Variants in CPS1 observed in about 807,000 individuals in gnomAD.
CPS1 encodes the protein carbamoyl-phosphate synthase [ammonia], mitochondrial.
CPS1 carries 109 observed loss-of-function variants against 174.6 expected under a neutral mutation model. That is an observed-to-expected ratio of 0.62 (90% CI 0.53 to 0.73). The LOEUF is 0.73. Among genes scored for constraint, CPS1 ranks in the 30% least tolerant of loss-of-function variants. CPS1 has a pLI of 0.00. For missense variants in CPS1, 1,689 were observed against 1,821.9 expected (o/e 0.93, Z 1.33); for synonymous variants, 637 against 632.0 (o/e 1.01, Z -0.12).
At chr2:210,572,001 A>G (rs1289767070) in intron 1 of CPS1, among the ~76,000 whole-genome samples, 1 of 151,734 alleles carries the variant, frequency 6.6e-6, no homozygotes, top group Non-Finnish European at 1.5e-5. Flanking sequence ...AGTAAAATGA[A>G]GAATTAGTAT....
intron 1 of CPS1, among the ~76,000 whole-genome samples, chr2:210,486,596 C>T (rs566234671): frequency 3.9e-4 from 60 of 152,288 alleles, no homozygotes; most frequent in Admixed American, 2.7e-3. Context: ...CCGCAACCTC[C>T]GCCTCCTGGG....
Position 210,590,920 on chromosome 2 carries a change from A to C in CPS1, c.947+14A>C. The stretch of plus-strand genomic sequence containing the variant: ...CATGGCCAACAGGTGAGGTATTTTC[A>C]CTTTTGCTTACAGTAAACCAGCTCT... On this transcript the variant is annotated intron_variant, in intron 9 of 37. Coordinates refer to ENST00000233072, the MANE Select transcript of CPS1 (RefSeq NM_001875.5). The C allele has an allele frequency of 6.2e-7, 1 of 1,602,080 alleles. No homozygotes were observed. Among genetic ancestry groups the C allele is most frequent in the Non-Finnish European group, 8.5e-7 (1 of 1,170,932 alleles).
chr2:210,606,910 C>A lies in CPS1; in HGVS notation c.2161C>A (p.Arg721=), dbSNP rs202107577. The A allele has an allele frequency of 5.6e-6, 9 of 1,612,330 alleles. No homozygotes were observed. The East Asian group carries it at 1.6e-4, about 28-fold the overall frequency. ...CIIEVNARLS[R]SSALASKATG... is the part of the protein sequence containing the mutation. ...CATTGAAGTGAATGCCAGACTGTCC[C>A]GAAGCTCTGCTCTGGCCTCAAAAGC... Residue 721 remains arginine, a synonymous_variant, in exon 18 of 38, where the codon CGA becomes AGA. Coordinates refer to ENST00000233072, the MANE Select transcript of CPS1 (RefSeq NM_001875.5).
At chr2:210,593,435 A>G (rs1698378126) in intron 11 of CPS1, 1 of 1,010,032 alleles carries the variant, frequency 9.9e-7, no homozygotes, top group Non-Finnish European at 1.2e-6. Context: ...ATGCACATAC[A>G]TAGATGATTC....
In CPS1 at chr2:210,677,889, G is replaced by T; in HGVS notation, c.4407G>T (p.Val1469=). 1.2e-6 allele frequency: 2 copies of T among 1,613,184 alleles called. No individual in the cohort carries two copies. The highest frequency in any genetic ancestry group is 2.2e-5 in the East Asian group (1 of 44,858). Residue 1469 remains valine (V), a splice_region_variant and synonymous_variant, in exon 38 of 38, where the codon GTG becomes GTT. Transcript: ENST00000233072. ...SGIPLLTNFQ[V]TKLFAEAVQK... ...GATTCCTACCATTATATTTTCAGGTGACCAAACTTTTTGCTGAAGCTGTGC... is the reference window on the plus strand; with the variant it reads ...GATTCCTACCATTATATTTTCAGGTTACCAAACTTTTTGCTGAAGCTGTGC...
upstream of CPS1, chr2:210,556,369 G>T: frequency 2.1e-6 from 1 of 471,576 alleles, no homozygotes; most frequent in Non-Finnish European, 4.2e-6. Flanking sequence ...TTAGGATAAG[G>T]TTGTCCATGA....
chr2:210,486,358 C>T (rs980977802), intron 1 of CPS1, among the ~76,000 whole-genome samples: 1 of 152,094 alleles, frequency 6.6e-6, no homozygotes, highest in African/African-American at 2.4e-5. Flanking sequence ...TCTTTTCATT[C>T]TCTTAAATGT....
chr2:210,599,512 G>A lies in CPS1; in HGVS notation c.1500G>A (p.Gln500=). The A allele has an allele frequency of 1.2e-6, 2 of 1,612,536 alleles. No homozygotes were observed. Among genetic ancestry groups the A allele is most frequent in the Non-Finnish European group, 8.5e-7 (1 of 1,179,040 alleles). Residue 500 remains glutamine (Q), a synonymous_variant, in exon 14 of 38, where the codon CAG becomes CAA. Transcript: ENST00000233072. ...QFVTEVIKAE[Q]PDGLILGMGG... Reference sequence around the variant, plus strand: ...TCACAGAGGTCATCAAGGCAGAACAGCCAGATGGGTTAATTCTGGGCATGG... The same window carrying A: ...TCACAGAGGTCATCAAGGCAGAACAACCAGATGGGTTAATTCTGGGCATGG...
rs764341671 is a variant in CPS1, at chr2:210,599,437, C to T, written c.1425C>T (p.Gly475=). ...NIASVQTNEV[G]LKQADTVYFL... ...CATCAGTCCAGACCAATGAGGTGGG[C>T]TTAAAGCAAGCGGATACTGTCTACT... The change falls in exon 14 of 38, where the codon GGC becomes GGT. Residue 475 remains glycine, a synonymous_variant. Transcript: ENST00000233072. 9.3e-6 allele frequency: 15 copies of T among 1,612,590 alleles called. No individual in the cohort carries two copies. In the South Asian group the frequency reaches 1.6e-4, roughly 18 times the overall value.
chr2:210,661,744 C>T (rs979820465), intron 32 of CPS1, among the ~76,000 whole-genome samples: 11 of 151,786 alleles, frequency 7.2e-5, no homozygotes, highest in Non-Finnish European at 1.0e-4. Context: ...TTGAGACCAA[C>T]GATTAGTAGC....
intron 1 of CPS1, among the ~76,000 whole-genome samples, chr2:210,568,530 A>G (rs577475199): frequency 6.6e-6 from 1 of 152,242 alleles, no homozygotes; most frequent in South Asian, 2.1e-4. Context: ...AGTTAATTCT[A>G]AAAACCAATA....
chr2:210,577,478 A>G lies in CPS1; in HGVS notation c.439A>G (p.Lys147Glu). The G allele has an allele frequency of 6.2e-7, 1 of 1,613,880 alleles. No homozygotes were observed. Among genetic ancestry groups the G allele is most frequent in the South Asian group, 1.1e-5 (1 of 91,080 alleles). Reference sequence around the variant, plus strand: ...AGACTACAACCACTGGCTGGCTACCAAGAGTTTAGGGCAATGGCTACAGGA... The same window carrying G: ...AGACTACAACCACTGGCTGGCTACCGAGAGTTTAGGGCAATGGCTACAGGA... ...SKDYNHWLAT[K>E]SLGQWLQEEK... Residue 147 changes from lysine (K) to glutamate (E), a missense_variant, in exon 4 of 38, where the codon AAG (lysine) becomes GAG (glutamate). Physicochemically the swap from Lys to Glu is moderately conservative, Grantham distance 56. Coordinates refer to ENST00000233072, the MANE Select transcript of CPS1 (RefSeq NM_001875.5).
At chr2:210,600,151 G>C (rs945817344) in intron 14 of CPS1, among the ~76,000 whole-genome samples, 1 of 151,354 alleles carries the variant, frequency 6.6e-6, no homozygotes, top group Non-Finnish European at 1.5e-5. Context: ...TAGGTGGCTA[G>C]GTAGTGGAAA....
chr2:210,588,236 C>A, intron 7 of CPS1, 89 bp downstream of exon 7: 1 of 1,140,340 alleles, frequency 8.8e-7, no homozygotes, highest in Non-Finnish European at 1.3e-6. Context: ...GAAACTTATG[C>A]ATTCTTTCAG....
At chr2:210,572,157 A>C (rs1473848688) in intron 1 of CPS1, among the ~76,000 whole-genome samples, 3 of 151,900 alleles carry the variant, frequency 2.0e-5, no homozygotes, top group African/African-American at 7.2e-5. Flanking sequence ...CTTTGAAGGA[A>C]ATCTCAGATA....
intron 21 of CPS1, among the ~76,000 whole-genome samples, chr2:210,629,356 C>T (rs1699791067): frequency 6.6e-6 from 1 of 151,972 alleles, no homozygotes; most frequent in African/African-American, 2.4e-5. Flanking sequence ...GCTCTGTCGC[C>T]CAGGCTGGAG....
chr2:210,558,604 AGAAG>A (rs1302439179), intron 1 of CPS1, among the ~76,000 whole-genome samples: 2 of 152,006 alleles, frequency 1.3e-5, no homozygotes, highest in African/African-American at 4.8e-5. Flanking sequence ...TCACTCTGTG[AGAAG>A]GTAGGTATGT....
chr2:210,605,043 T>C lies in CPS1; in HGVS notation c.1837-59T>C, dbSNP rs138114742. 776 of 1,595,902 alleles carry C rather than the reference T, an allele frequency of 4.9e-4. 4 individuals are homozygous for C. In the African/African-American group the frequency reaches 8.3e-3, roughly 17 times the overall value. ...TTATGCCAGGGTATTTTGCCAAATA[T>C]CCTTGTTGAAGCCAGTGCTTTTTCT... On this transcript the variant is annotated intron_variant, in intron 16 of 37. Coordinates refer to ENST00000233072, the MANE Select transcript of CPS1 (RefSeq NM_001875.5).
intron 22 of CPS1, 55 bp from the exon 23 acceptor site, chr2:210,639,095 T>C: frequency 2.0e-6 from 3 of 1,473,364 alleles, no homozygotes; most frequent in Non-Finnish European, 2.8e-6. Context: ...AATTTAGTCT[T>C]GAAAAAATTA....
Sources: allele counts gnomAD v4.1 joint callset (sites outside exome capture counted in the v4.1 genomes callset), GRCh38; gene constraint gnomAD v4.1.1; transcripts MANE v1.5; gene names NCBI Gene and HGNC (gene_info 2026-07-23, HGNC 2026-07-21).